ARID5B: variants seen among roughly 807,000 people sequenced by gnomAD.
The protein encoded by ARID5B is AT-rich interaction domain 5B, also known as AT-rich interactive domain-containing protein 5B.
A neutral mutation model predicts 97.2 loss-of-function variants in ARID5B; 13 were observed. The ratio of observed to expected loss-of-function variants is 0.13; its 90% CI spans 0.09 to 0.21. ARID5B has a LOEUF of 0.21. Ranked by LOEUF, ARID5B falls within the 10% of genes least tolerant of loss-of-function variation. The pLI is 1.00. For missense variants in ARID5B, 1,210 were observed against 1,465.3 expected, an observed-to-expected ratio of 0.83 and a Z score of 2.84; for synonymous variants, 556 against 570.3, an observed-to-expected ratio of 0.97 and a Z score of 0.36.
chr10:61,925,383 T>C (rs1472042268), intron 2 of ARID5B, among the ~76,000 whole-genome samples: 1 of 152,116 alleles, frequency 6.6e-6, no homozygotes, highest in Non-Finnish European at 1.5e-5. Flanking sequence ...TCTTTGTTAA[T>C]GTTTTAATGG....
At chr10:61,932,560 C>T (rs1291677155) in intron 2 of ARID5B, among the ~76,000 whole-genome samples, 1 of 151,948 alleles carries the variant, frequency 6.6e-6, no homozygotes, top group Non-Finnish European at 1.5e-5. Context: ...TGGGTGTGTG[C>T]CACCACACCT....
At chr10:62,074,720 C>G (rs1840105616) in intron 8 of ARID5B, among the ~76,000 whole-genome samples, 1 of 152,142 alleles carries the variant, frequency 6.6e-6, no homozygotes, top group Non-Finnish European at 1.5e-5. Flanking sequence ...TTCAGAAAGT[C>G]ACAGGCCACA....
intron 9 of ARID5B, 104 bp from the exon 10 acceptor site, chr10:62,090,758 A>G: frequency 7.1e-7 from 1 of 1,399,538 alleles, no homozygotes; most frequent in Non-Finnish European, 9.5e-7. Context: ...CTGATTGACA[A>G]GCCTGTTTTC....
chr10:62,076,077 A>T (rs1485025318), intron 8 of ARID5B, among the ~76,000 whole-genome samples: 1 of 152,204 alleles, frequency 6.6e-6, no homozygotes, highest in African/African-American at 2.4e-5. Context: ...TGCTAAAGGA[A>T]CAGGATGCTG....
rs931879562 is a variant in ARID5B, at chr10:61,940,308, G to C, written c.402G>C (p.Leu134Phe). Reference sequence around the variant, plus strand: ...CTGGACCAGTGAAAACTGAGGCCTTGGGAAGGAATGGACAGAAGGAAGCTC... The same window carrying C: ...CTGGACCAGTGAAAACTGAGGCCTTCGGAAGGAATGGACAGAAGGAAGCTC... ...FHAGPVKTEA[L>F]GRNGQKEALL... Residue 134 changes from leucine to phenylalanine, a missense_variant, in exon 3 of 10, where the codon TTG becomes TTC. Physicochemically the swap from Leu to Phe is conservative, Grantham distance 22. Around this residue, in one of 8 missense-constraint regions of ARID5B, gnomAD observed 82 missense variants for 79.3 expected, o/e 1.03. Transcript: ENST00000279873. The C allele has an allele frequency of 1.9e-6, 3 of 1,614,192 alleles. No individual in the cohort carries two copies. The highest frequency in any genetic ancestry group is 2.5e-6 in the Non-Finnish European group (3 of 1,180,026).
intron 2 of ARID5B, among the ~76,000 whole-genome samples, chr10:61,915,876 C>T (rs1279640677): frequency 6.6e-6 from 1 of 152,192 alleles, no homozygotes; most frequent in Non-Finnish European, 1.5e-5. Context: ...CTGCCTCAGC[C>T]TCTGGAATAG....
intron 4 of ARID5B, among the ~76,000 whole-genome samples, chr10:62,047,670 T>C (rs560364814): frequency 1.3e-5 from 2 of 152,246 alleles, no homozygotes; most frequent in East Asian, 3.9e-4. Flanking sequence ...GAGGTGGGGC[T>C]GTCTCTTACA....
intron 4 of ARID5B, among the ~76,000 whole-genome samples, chr10:62,016,847 T>G (rs1839290600): frequency 6.6e-6 from 1 of 152,210 alleles, no homozygotes; most frequent in Admixed American, 6.5e-5. Flanking sequence ...TCTTTTATCT[T>G]AGGGCTGGCA....
rs574765584 is a variant in ARID5B at position 61,989,686 on chromosome 10, G to A, written c.503-10405G>A. 4.6e-5 allele frequency among the ~76,000 whole-genome samples: 7 copies of A among 152,250 alleles called. No individual in the cohort carries two copies. In the South Asian group the frequency reaches 8.3e-4, roughly 18 times the overall value. On this transcript the variant is annotated intron_variant, in intron 3 of 9. Coordinates refer to ENST00000279873, the MANE Select transcript of ARID5B (RefSeq NM_032199.3). ...TGTCAAAAAATCTGGTAGCCTTGCC[G>A]TGCATTCCAGCTACACTTTAATGGA...
At chr10:62,017,009 CAGAG>C (rs1839292080) in intron 4 of ARID5B, among the ~76,000 whole-genome samples, 1 of 152,102 alleles carries the variant, frequency 6.6e-6, no homozygotes, top group Non-Finnish European at 1.5e-5. Flanking sequence ...AGCCTCTGAG[CAGAG>C]AGAGTGAACT....
At chr10:61,948,641 C>G (rs980979746) in intron 3 of ARID5B, among the ~76,000 whole-genome samples, 17 of 152,262 alleles carry the variant, frequency 1.1e-4, no homozygotes, top group Admixed American at 9.8e-4. Flanking sequence ...GCTGGGATTA[C>G]AGGTGTGAGC....
At chr10:61,967,425 C>T (rs1281834271) in intron 3 of ARID5B, among the ~76,000 whole-genome samples, 1 of 152,180 alleles carries the variant, frequency 6.6e-6, no homozygotes, top group Non-Finnish European at 1.5e-5. Context: ...ATATATCTAC[C>T]TTACTTATCT....
chr10:61,997,719 A>G (rs2046135214), intron 3 of ARID5B, among the ~76,000 whole-genome samples: 1 of 152,228 alleles, frequency 6.6e-6, no homozygotes, highest in African/African-American at 2.4e-5. Context: ...TCTCTCATTA[A>G]CAATGTCTTA....
At chr10:61,934,905 C>T (rs1320125585) in intron 2 of ARID5B, among the ~76,000 whole-genome samples, 2 of 151,428 alleles carry the variant, frequency 1.3e-5, no homozygotes, top group Non-Finnish European at 2.9e-5. Flanking sequence ...CCCAGCTACT[C>T]GGGAGGCTGA....
intron 4 of ARID5B, among the ~76,000 whole-genome samples, chr10:62,033,683 G>A (rs1019598839): frequency 2.6e-5 from 4 of 152,122 alleles, no homozygotes; most frequent in Non-Finnish European, 4.4e-5. Flanking sequence ...CCACGTGTCC[G>A]TGCATATAAT....
chr10:61,948,201 A>G (rs1838267093), intron 3 of ARID5B, among the ~76,000 whole-genome samples: 1 of 152,126 alleles, frequency 6.6e-6, no homozygotes, highest in South Asian at 2.1e-4. Context: ...AAGAATCTGC[A>G]TCATGCTTTT....
At chr10:61,927,492 C>A (rs985576892) in intron 2 of ARID5B, among the ~76,000 whole-genome samples, 1 of 152,142 alleles carries the variant, frequency 6.6e-6, no homozygotes, top group African/African-American at 2.4e-5. Flanking sequence ...GATGATGTAC[C>A]ATTAAAATAA....
chr10:62,031,141 G>A (rs1296894941), intron 4 of ARID5B, among the ~76,000 whole-genome samples: 1 of 152,196 alleles, frequency 6.6e-6, no homozygotes, highest in Non-Finnish European at 1.5e-5. Context: ...GGCTGTGGCA[G>A]GAGAGTCACT....
At position 61,979,890 on chromosome 10, in the gene ARID5B, G is replaced by C. The variant is rs866840787; in HGVS notation, c.503-20201G>C. On this transcript the variant is annotated intron_variant, in intron 3 of 9. Transcript: ENST00000279873. ...GCGTATCACCTGAGGTCAGGAGTTCGAGATCAGCCTGGCTAACATGGTGAA... is the reference window on the plus strand; with the variant it reads ...GCGTATCACCTGAGGTCAGGAGTTCCAGATCAGCCTGGCTAACATGGTGAA... 3.3e-5 allele frequency among the ~76,000 whole-genome samples: 5 copies of C among 152,148 alleles called. No individual in the cohort carries two copies. In the East Asian group the frequency reaches 9.7e-4, roughly 29 times the overall value.
Sources: gnomAD v4.1 joint callset for allele counts (sites outside exome capture counted in the v4.1 genomes callset) on GRCh38, gnomAD v4.1.1 for gene constraint, gnomAD v4.1.1 regional missense constraint, MANE v1.5 for transcripts, NCBI Gene and HGNC (gene_info 2026-07-23, HGNC 2026-07-21) for gene names.